TBC1D5: variants seen among roughly 807,000 people sequenced by gnomAD.
TBC1D5 encodes TBC1 domain family, member 5.
TBC1D5 carries 75 observed loss-of-function variants against 100.3 expected under a neutral mutation model. The observed-to-expected ratio is 0.75, with a 90% CI of 0.62 to 0.91. The LOEUF (loss-of-function observed/expected upper bound fraction) is 0.91. TBC1D5 is among the 40% of genes least tolerant of loss of function. The probability of loss-of-function intolerance (pLI) is 0.00; values close to 1 mark genes in which losing one functional copy is unlikely to be tolerated. For synonymous variants in TBC1D5, 323 were observed against 325.6 expected, an observed-to-expected ratio of 0.99 and a Z score of 0.09; for missense variants, 910 against 942.4, an observed-to-expected ratio of 0.97 and a Z score of 0.45.
At chr3:17,191,474 A>G (rs2069884777) in intron 18 of TBC1D5, among the ~76,000 whole-genome samples, 1 of 152,172 alleles carries the variant, frequency 6.6e-6, no homozygotes, top group African/African-American at 2.4e-5. Context: ...TGCAAGAATA[A>G]CTCCCAGGAT....
At chr3:17,224,170 G>A (rs543120316) in intron 17 of TBC1D5, among the ~76,000 whole-genome samples, 2 of 152,204 alleles carry the variant, frequency 1.3e-5, no homozygotes, top group South Asian at 4.1e-4. Flanking sequence ...ATATTACAAT[G>A]GACAAATTTC....
intron 3 of TBC1D5, among the ~76,000 whole-genome samples, chr3:17,489,991 C>A (rs773529486): frequency 1.3e-5 from 2 of 152,230 alleles, no homozygotes; most frequent in Non-Finnish European, 2.9e-5. Context: ...TACTTCTCCA[C>A]AGCCTCATCA....
chr3:17,574,633 T>G (rs528981664), intron 2 of TBC1D5, among the ~76,000 whole-genome samples: 1 of 152,220 alleles, frequency 6.6e-6, no homozygotes, highest in Non-Finnish European at 1.5e-5. Flanking sequence ...CATCTCCTGA[T>G]TCTCTTGTTC....
intron 16 of TBC1D5, among the ~76,000 whole-genome samples, chr3:17,257,657 T>C (rs900046554): frequency 4.6e-5 from 7 of 152,364 alleles, no homozygotes; most frequent in African/African-American, 1.7e-4. Context: ...AAACTTCTTC[T>C]CATCCCTTAG....
At chr3:17,539,997 C>T (rs1001182978) in intron 2 of TBC1D5, among the ~76,000 whole-genome samples, 47 of 152,288 alleles carry the variant, frequency 3.1e-4, no homozygotes, top group Non-Finnish European at 6.8e-4. Context: ...CACGTCCTCA[C>T]CAAAACATAT....
intron 13 of TBC1D5, among the ~76,000 whole-genome samples, chr3:17,358,858 C>T (rs1314422277): frequency 6.6e-6 from 1 of 151,894 alleles, no homozygotes; most frequent in East Asian, 1.9e-4. Flanking sequence ...AGATGGTACA[C>T]TGGTATAAAA....
intron 2 of TBC1D5, among the ~76,000 whole-genome samples, chr3:17,539,100 C>T (rs765760597): frequency 3.3e-5 from 5 of 152,124 alleles, no homozygotes; most frequent in Non-Finnish European, 1.5e-5. Context: ...GCACAAGAAT[C>T]GTGTGAACCT....
At chr3:17,263,788 GC>G (rs2078583526) in intron 15 of TBC1D5, among the ~76,000 whole-genome samples, 1 of 152,080 alleles carries the variant, frequency 6.6e-6, no homozygotes. Flanking sequence ...ACTAAATAAA[GC>G]CCATGCTACG....
At chr3:17,514,619 T>A (rs1576454966) in intron 2 of TBC1D5, among the ~76,000 whole-genome samples, 1 of 152,108 alleles carries the variant, frequency 6.6e-6, no homozygotes, top group Admixed American at 6.5e-5. Context: ...ATGCAGAATA[T>A]GAGAGGTTCA....
Position 17,228,122 on chromosome 3 carries a change from G to A in TBC1D5, c.1588+10041C>T, listed in dbSNP as rs73143758. 4.9e-3 allele frequency among the ~76,000 whole-genome samples: 740 copies of A among 152,222 alleles called. 6 individuals are homozygous for A. Among genetic ancestry groups the A allele is most frequent in the African/African-American group, 0.017 (710 of 41,546 alleles). On this transcript the variant is annotated intron_variant, in intron 17 of 21. Transcript: ENST00000253692. ...CTTGGTTGAGTGGACCATCTGTTGC[G>A]TTGGTCCAGGCAAGAGATTATGGCC...
chr3:17,422,229 T>C (rs1261135188), intron 4 of TBC1D5, among the ~76,000 whole-genome samples: 1 of 152,186 alleles, frequency 6.6e-6, no homozygotes, highest in Non-Finnish European at 1.5e-5. Context: ...AGCACAGTGG[T>C]GCGATCTTGG....
At chr3:17,716,951 T>C (rs1260669595) in intron 1 of TBC1D5, among the ~76,000 whole-genome samples, 1 of 152,116 alleles carries the variant, frequency 6.6e-6, no homozygotes, top group Admixed American at 6.5e-5. Context: ...TTGGAAGAAT[T>C]AGATTTGAGG....
chr3:17,355,717 G>A (rs1417920193), intron 13 of TBC1D5, among the ~76,000 whole-genome samples: 5 of 149,086 alleles, frequency 3.4e-5, no homozygotes, highest in Non-Finnish European at 7.4e-5. Flanking sequence ...GTTTTTTTTT[G>A]GTTTTTATTT....
At position 17,716,363 on chromosome 3, in the gene TBC1D5, T is replaced by G. The variant is rs572541864; in HGVS notation, c.-101+22980A>C. Reference sequence around the variant, plus strand: ...TCACTTATAATAAAACTGTCATTTTTTTTTTGAAATTTACTTAGTGGAGGG... The same window carrying G: ...TCACTTATAATAAAACTGTCATTTTGTTTTTGAAATTTACTTAGTGGAGGG... On this transcript the variant is annotated intron_variant, in intron 1 of 21. Transcript: ENST00000253692. 9.9e-4 allele frequency among the ~76,000 whole-genome samples: 151 copies of G among 152,242 alleles called. 2 individuals carry two copies. The highest frequency in any genetic ancestry group is 1.7e-3 in the Non-Finnish European group (114 of 68,024).
intron 18 of TBC1D5, among the ~76,000 whole-genome samples, chr3:17,186,704 T>G (rs1313828174): frequency 1.6e-4 from 4 of 25,470 alleles, no homozygotes; most frequent in South Asian, 3.3e-3. Flanking sequence ...AGCAAAACTC[T>G]ATCTCCAAAA....
chr3:17,216,755 G>C (rs1229760622), intron 17 of TBC1D5, among the ~76,000 whole-genome samples: 1 of 152,014 alleles, frequency 6.6e-6, no homozygotes. Context: ...CGGGGTCCTA[G>C]AATATTAGAA....
chr3:17,236,794 G>T (rs1249804736), intron 17 of TBC1D5, among the ~76,000 whole-genome samples: 6 of 151,956 alleles, frequency 3.9e-5, no homozygotes, highest in Non-Finnish European at 7.4e-5. Flanking sequence ...CTTATGCATG[G>T]TAATTTGAAT....
chr3:17,290,285 G>A (rs1414415546), intron 15 of TBC1D5, among the ~76,000 whole-genome samples: 1 of 152,042 alleles, frequency 6.6e-6, no homozygotes, highest in Non-Finnish European at 1.5e-5. Flanking sequence ...GAGATAAAAA[G>A]TACTCCATTA....
intron 13 of TBC1D5, among the ~76,000 whole-genome samples, chr3:17,339,338 C>T (rs984118493): frequency 2.6e-5 from 4 of 152,172 alleles, no homozygotes; most frequent in African/African-American, 4.8e-5. Flanking sequence ...GTTGAAGTTC[C>T]GCTCACCTTG....
Sources: gnomAD v4.1 joint callset for allele counts (sites outside exome capture counted in the v4.1 genomes callset) on GRCh38, gnomAD v4.1.1 for gene constraint, MANE v1.5 for transcripts, NCBI Gene and HGNC (gene_info 2026-07-23, HGNC 2026-07-21) for gene names.